Variants in TAF3 observed in about 807,000 individuals in gnomAD.
TAF3 encodes transcription initiation factor TFIID subunit 3.
Under a neutral mutation model 80.6 loss-of-function variants are expected in TAF3, and 7 were observed. The ratio of observed to expected loss-of-function variants is 0.09; its 90% CI spans 0.05 to 0.16. The LOEUF is 0.16. Ranked by LOEUF, TAF3 falls within the 10% of genes least tolerant of loss-of-function variation. TAF3 has a pLI of 1.00. For synonymous variants in TAF3, 444 were observed against 446.1 expected (o/e 1.00, Z 0.06); for missense variants, 921 against 1,140.2 (o/e 0.81, Z 2.77).
At position 8,016,312 on chromosome 10, in the gene TAF3, T is replaced by C. The variant is rs144013757; in HGVS notation, c.*1561T>C. 6.6e-6 allele frequency: 1 copy of C among 152,296 alleles called. No homozygotes were observed. The highest frequency in any genetic ancestry group is 1.9e-4 in the East Asian group (1 of 5,176). 9.4% of individuals were successfully genotyped at this position (152,296 alleles called of 1,614,324 possible). On this transcript the variant is annotated 3_prime_UTR_variant, in exon 7 of 7. Transcript: ENST00000344293. ...AAATTGATATTAGTGTATGAATTAG[T>C]CATATTTTAAAACATTATGTGGTTA...
intron 2 of TAF3, among the ~76,000 whole-genome samples, chr10:7,946,288 C>G (rs1702450601): frequency 6.6e-6 from 1 of 152,214 alleles, no homozygotes; most frequent in African/African-American, 2.4e-5. Flanking sequence ...GCCTCAGACA[C>G]AAAACTCGTT....
intron 2 of TAF3, among the ~76,000 whole-genome samples, chr10:7,826,142 A>T (rs565787365): frequency 1.3e-5 from 2 of 152,136 alleles, no homozygotes; most frequent in Non-Finnish European, 2.9e-5. Flanking sequence ...ACTGGACCTA[A>T]GTGGTAGGGA....
At chr10:7,939,448 T>C (rs1377530995) in intron 2 of TAF3, among the ~76,000 whole-genome samples, 1 of 152,074 alleles carries the variant, frequency 6.6e-6, no homozygotes, top group African/African-American at 2.4e-5. Context: ...GTCCCAAACA[T>C]TTTACATGTA....
chr10:7,855,960 A>G (rs1393726065), intron 2 of TAF3, among the ~76,000 whole-genome samples: 1 of 151,970 alleles, frequency 6.6e-6, no homozygotes, highest in Admixed American at 6.6e-5. Context: ...AATAAGCGTA[A>G]TAGTTCTCTA....
rs1564372560 is a variant in TAF3, at chr10:7,964,453, TCCAAGAGCC to T, written c.951_959del (p.Ser323_Lys325del). On this transcript the variant is annotated inframe_deletion, in exon 3 of 7. Coordinates refer to ENST00000344293, the MANE Select transcript of TAF3 (RefSeq NM_031923.4). The surrounding 1 kb of genome is among the most constrained non-coding windows in gnomAD (Gnocchi z 4.1). ...CAAAGAAAAGAAATCACCTGGACGT[TCCAAGAGCC>T]CCAAGAGTCCCAAGAGCCCCAAGGT... 6.2e-7 allele frequency: 1 copy of T among 1,613,830 alleles called. No homozygotes were observed. Among genetic ancestry groups the T allele is most frequent in the African/African-American group, 1.3e-5 (1 of 74,972 alleles).
chr10:7,937,533 A>G (rs972066823), intron 2 of TAF3, among the ~76,000 whole-genome samples: 6 of 152,228 alleles, frequency 3.9e-5, no homozygotes, highest in Non-Finnish European at 2.9e-5. Flanking sequence ...TTTAAATTGA[A>G]TGGTTCATTT....
rs1837681847 is a variant in TAF3, at chr10:7,914,029, C to T, written c.410-49891C>T. 2.0e-5 allele frequency among the ~76,000 whole-genome samples: 3 copies of T among 152,074 alleles called. No individual in the cohort carries two copies. The South Asian group carries it at 6.2e-4, about 32-fold the overall frequency. On this transcript the variant is annotated intron_variant, in intron 2 of 6. Transcript: ENST00000344293. ...CAAAAATGACTTATGTGACATCAAC[C>T]AATTGCAATGTGGTCCTCTTTTAGA...
At chr10:7,951,988 A>G (rs1051342717) in intron 2 of TAF3, among the ~76,000 whole-genome samples, 5 of 152,194 alleles carry the variant, frequency 3.3e-5, no homozygotes, top group Admixed American at 3.3e-4. Context: ...AGGAATTGCA[A>G]TGAGATTAGT....
chr10:7,834,510 A>G (rs879327927), intron 2 of TAF3, among the ~76,000 whole-genome samples: 1 of 152,120 alleles, frequency 6.6e-6, no homozygotes, highest in African/African-American at 2.4e-5. Context: ...TCGGTTGTTC[A>G]TTGTTTCTAG....
At chr10:7,963,061 A>G (rs1831526392) in intron 2 of TAF3, among the ~76,000 whole-genome samples, 1 of 152,212 alleles carries the variant, frequency 6.6e-6, no homozygotes, top group Non-Finnish European at 1.5e-5. Flanking sequence ...CTCTAGCCGA[A>G]AAACCATTTG....
intron 2 of TAF3, among the ~76,000 whole-genome samples, chr10:7,962,232 C>A (rs1182915767): frequency 6.6e-6 from 1 of 152,176 alleles, no homozygotes; most frequent in Non-Finnish European, 1.5e-5. Flanking sequence ...TCCATTCTAT[C>A]CTCAGAATAT....
At chr10:7,935,978 G>A (rs897827160) in intron 2 of TAF3, among the ~76,000 whole-genome samples, 1 of 152,166 alleles carries the variant, frequency 6.6e-6, no homozygotes, top group Non-Finnish European at 1.5e-5. Flanking sequence ...TTGGGCTGCC[G>A]ATTGTAGGGG....
chr10:7,921,631 G>A (rs1433734351), intron 2 of TAF3, among the ~76,000 whole-genome samples: 3 of 152,128 alleles, frequency 2.0e-5, no homozygotes, highest in African/African-American at 7.2e-5. Context: ...ATTGAAAAAT[G>A]TAAAATACCT....
chr10:7,924,563 C>T (rs1688592462), intron 2 of TAF3, among the ~76,000 whole-genome samples: 1 of 152,188 alleles, frequency 6.6e-6, no homozygotes, highest in Non-Finnish European at 1.5e-5. Context: ...TCTCTTTAAC[C>T]TTTCCTAACA....
intron 2 of TAF3, among the ~76,000 whole-genome samples, chr10:7,898,545 C>CAAAAAAAA (rs35137273): frequency 1.0e-5 from 1 of 96,204 alleles, no homozygotes. Context: ...GACTCTGTCT[C>CAAAAAAAA]AAAAAAAAAA....
chr10:7,977,691 T>C (rs2131420266), intron 4 of TAF3, among the ~76,000 whole-genome samples: 1 of 152,348 alleles, frequency 6.6e-6, no homozygotes, highest in South Asian at 2.1e-4. Context: ...CCCAAGTACA[T>C]AGTATCTGTC....
At chr10:7,836,662 A>G (rs1263425950) in intron 2 of TAF3, among the ~76,000 whole-genome samples, 2 of 152,230 alleles carry the variant, frequency 1.3e-5, no homozygotes, top group African/African-American at 2.4e-5. Context: ...AGCTAGAAAC[A>G]TGAGAATTAG....
intron 2 of TAF3, among the ~76,000 whole-genome samples, chr10:7,903,539 T>C (rs1837579696): frequency 1.3e-5 from 2 of 152,368 alleles, no homozygotes; most frequent in South Asian, 2.1e-4. Flanking sequence ...TGATTTAATA[T>C]GTTTTTATCT....
At chr10:7,905,677 C>T (rs774765735) in intron 2 of TAF3, among the ~76,000 whole-genome samples, 3 of 152,012 alleles carry the variant, frequency 2.0e-5, no homozygotes, top group South Asian at 2.1e-4. Flanking sequence ...GTCAGGAGTT[C>T]GAGACCAGCC....
Sources: allele counts gnomAD v4.1 joint callset (sites outside exome capture counted in the v4.1 genomes callset), GRCh38; gene constraint gnomAD v4.1.1; non-coding constraint Gnocchi (gnomAD v3.1); transcripts MANE v1.5; gene names NCBI Gene and HGNC (gene_info 2026-07-23, HGNC 2026-07-21).